The following NME9 variants were observed in gnomAD, a reference collection of about 807,000 sequenced individuals.
The protein encoded by NME9 is NME/NM23 family member 9.
A neutral mutation model predicts 44.4 loss-of-function variants in NME9; 48 were observed. The ratio of observed to expected loss-of-function variants is 1.08; its 90% CI spans 0.86 to 1.37. The LOEUF is 1.37. NME9 is among the 40% of genes most tolerant of loss of function. NME9 has a pLI of 0.00. For missense variants in NME9, 325 were observed against 405.2 expected, an observed-to-expected ratio of 0.80 and a Z score of 1.70; for synonymous variants, 139 against 147.1, an observed-to-expected ratio of 0.94 and a Z score of 0.40.
rs547504577 is a variant in NME9 at position 138,301,436 on chromosome 3, C to G, written c.*204G>C. 60 of 1,009,756 alleles carry G rather than the reference C, an allele frequency of 5.9e-5. 1 individual carries two copies. In the African/African-American group the frequency reaches 9.3e-4, roughly 16 times the overall value. 62.5% of individuals were successfully genotyped at this position (1,009,756 alleles called of 1,614,324 possible). On this transcript the variant is annotated 3_prime_UTR_variant, in exon 11 of 11. Transcript: ENST00000333911. ...GCTAGGCTGGTGTCAAACTCCTAAT[C>G]TCAGGTGATCCACCTGCCTCGGCCT...
exon 9 of NME9, chr3:138,262,501 C>T (rs779050902): frequency 1.9e-6 from 3 of 1,588,650 alleles, no homozygotes; most frequent in Non-Finnish European, 2.6e-6. Context: ...GTTTTCCACT[C>T]TCTCATGTTC....
At chr3:138,287,446 C>G (rs1183338937) in intron 8 of NME9, among the ~76,000 whole-genome samples, 2 of 152,034 alleles carry the variant, frequency 1.3e-5, no homozygotes, top group African/African-American at 2.4e-5. Context: ...AAGTTCCCAC[C>G]CCTCCACCCT....
intron 8 of NME9, among the ~76,000 whole-genome samples, chr3:138,291,196 C>T (rs2050912019): frequency 1.3e-5 from 2 of 152,182 alleles, no homozygotes; most frequent in African/African-American, 4.8e-5. Context: ...TCCATTTCAC[C>T]TTTGTATAAT....
At chr3:138,290,339 A>G (rs2050818892) in intron 8 of NME9, among the ~76,000 whole-genome samples, 1 of 152,194 alleles carries the variant, frequency 6.6e-6, no homozygotes, top group Non-Finnish European at 1.5e-5. Flanking sequence ...TGCAGGCAGG[A>G]TGATCAGGAG....
At chr3:138,314,831 T>C (rs1201546116) in intron 5 of NME9, among the ~76,000 whole-genome samples, 1 of 152,182 alleles carries the variant, frequency 6.6e-6, no homozygotes, top group African/African-American at 2.4e-5. Context: ...TTGGGAAAAA[T>C]ATGATTTGAT....
intron 8 of NME9, chr3:138,289,208 G>T: frequency 9.7e-7 from 1 of 1,027,876 alleles, no homozygotes; most frequent in Non-Finnish European, 1.5e-6. Flanking sequence ...GAGATCCTGG[G>T]CAGAGGCTCT....
At chr3:138,276,571 TA>T (rs2049315391) in intron 8 of NME9, among the ~76,000 whole-genome samples, 1 of 152,138 alleles carries the variant, frequency 6.6e-6, no homozygotes, top group African/African-American at 2.4e-5. Flanking sequence ...CTAGAACTAA[TA>T]AATGAGTTAA....
At chr3:138,294,832 A>G (rs1220704665) in intron 8 of NME9, among the ~76,000 whole-genome samples, 4 of 152,068 alleles carry the variant, frequency 2.6e-5, no homozygotes, top group East Asian at 1.9e-4. Flanking sequence ...TACAAGGATC[A>G]GGATAGATTA....
At chr3:138,299,416 G>A (rs1337560318), downstream of NME9, among the ~76,000 whole-genome samples, 1 of 152,078 alleles carries the variant, frequency 6.6e-6, no homozygotes, top group African/African-American at 2.4e-5. Context: ...AGGAGCCGAG[G>A]GATCTTAAAG....
intron 2 of NME9, chr3:138,324,544 T>C: frequency 2.1e-6 from 1 of 478,240 alleles, no homozygotes; most frequent in Non-Finnish European, 4.1e-6. Flanking sequence ...CTTCCATCCT[T>C]TGAGTTCCAA....
chr3:138,322,379 G>A (rs1457174907), intron 2 of NME9, among the ~76,000 whole-genome samples: 1 of 150,450 alleles, frequency 6.6e-6, no homozygotes, highest in Non-Finnish European at 1.5e-5. Flanking sequence ...GGGGGTGGGG[G>A]GTAGGGGGTG....
chr3:138,301,797 A>C, intron 10 of NME9, 93 bp from the exon 11 acceptor site: 1 of 1,034,614 alleles, frequency 9.7e-7, no homozygotes, highest in Non-Finnish European at 1.4e-6. Flanking sequence ...TAGGAAGTTA[A>C]AGGTCAGAGC....
intron 2 of NME9, among the ~76,000 whole-genome samples, chr3:138,321,685 A>C (rs1216585213): frequency 6.6e-6 from 1 of 152,128 alleles, no homozygotes; most frequent in Non-Finnish European, 1.5e-5. Context: ...ATTTTGCAGA[A>C]TGTGAGAACC....
intron 8 of NME9, among the ~76,000 whole-genome samples, chr3:138,268,046 CA>C (rs2048439506): frequency 6.6e-6 from 1 of 152,012 alleles, no homozygotes; most frequent in Admixed American, 6.6e-5. Context: ...AGTTTGAGAC[CA>C]GCCTGGCCAA....
intron 8 of NME9, chr3:138,263,377 C>T: frequency 4.5e-6 from 1 of 220,086 alleles, no homozygotes; most frequent in East Asian, 1.1e-4. Context: ...TTCTTTAGAA[C>T]CTCACTCTGG....
At chr3:138,279,693 T>C (rs1390562988) in intron 8 of NME9, among the ~76,000 whole-genome samples, 1 of 152,216 alleles carries the variant, frequency 6.6e-6, no homozygotes, top group Admixed American at 6.5e-5. Context: ...GAAAGGTGTT[T>C]AACTACAAAT....
chr3:138,270,754 T>A (rs1388601303), intron 8 of NME9, among the ~76,000 whole-genome samples: 1 of 152,208 alleles, frequency 6.6e-6, no homozygotes, highest in African/African-American at 2.4e-5. Context: ...AATAATTTTT[T>A]AACAGTTTCT....
rs543562229 is a variant in NME9, at chr3:138,301,684, C to A, written c.949G>T (p.Ala317Ser). ...APQGGEAEAT[A>S]GPTEALCFPE... ...AAGCAAAGCGCCTCAGTGGGCCCCGCTGTTGCTTCAGCCTCACCGCCTGTG... is the reference window on the plus strand; with the variant it reads ...AAGCAAAGCGCCTCAGTGGGCCCCGATGTTGCTTCAGCCTCACCGCCTGTG... The change falls in exon 11 of 11, where the codon GCG (alanine) becomes TCG (serine). Residue 317 changes from alanine to serine, a missense_variant. By Grantham distance (99) the Ala-to-Ser change is moderately conservative. Transcript: ENST00000333911. 1 of 1,536,112 alleles carries A rather than the reference C, an allele frequency of 6.5e-7. No homozygotes were observed. Among genetic ancestry groups the A allele is most frequent in the East Asian group, 2.4e-5 (1 of 40,916 alleles).
At chr3:138,291,527 C>A (rs915090977) in intron 8 of NME9, among the ~76,000 whole-genome samples, 1 of 152,212 alleles carries the variant, frequency 6.6e-6, no homozygotes, top group East Asian at 1.9e-4. Flanking sequence ...TTGATGAAGT[C>A]TTTGCCCTCG....
Sources: gnomAD v4.1 joint callset for allele counts (sites outside exome capture counted in the v4.1 genomes callset) on GRCh38, gnomAD v4.1.1 for gene constraint, MANE v1.5 for transcripts, NCBI Gene and HGNC (gene_info 2026-07-23, HGNC 2026-07-21) for gene names.